The following FRY variants were observed in gnomAD, a reference collection of about 807,000 sequenced individuals.
The protein encoded by FRY is protein furry homolog.
In FRY, 128 loss-of-function variants were observed where a neutral mutation model predicts 348.4. The ratio of observed to expected loss-of-function variants is 0.37; its 90% CI spans 0.32 to 0.43. FRY has a LOEUF of 0.43. Ranked by LOEUF, FRY falls within the 20% of genes least tolerant of loss-of-function variation. FRY has a pLI of 1.00. For synonymous variants in FRY, 1,370 were observed against 1,374.7 expected, an observed-to-expected ratio of 1.00 and a Z score of 0.08; for missense variants, 2,736 against 3,695.2, an observed-to-expected ratio of 0.74 and a Z score of 6.73.
At chr13:32,126,621 A>G (rs992314076) in intron 7 of FRY, among the ~76,000 whole-genome samples, 1 of 152,182 alleles carries the variant, frequency 6.6e-6, no homozygotes, top group South Asian at 2.1e-4. Context: ...TCTTGCAGTA[A>G]ACACAGACTC....
intron 31 of FRY, among the ~76,000 whole-genome samples, chr13:32,205,616 T>C (rs1884309141): frequency 6.6e-6 from 1 of 151,910 alleles, no homozygotes; most frequent in South Asian, 2.1e-4. Flanking sequence ...CACTACAAGG[T>C]TTGTAGGCCA....
chr13:32,222,073 T>C (rs1292035742), intron 36 of FRY, among the ~76,000 whole-genome samples: 1 of 151,916 alleles, frequency 6.6e-6, no homozygotes, highest in African/African-American at 2.4e-5. Context: ...TCAATTTACA[T>C]AGAGTAGTCA....
At chr13:32,093,908 T>C (rs537342862) in intron 2 of FRY, among the ~76,000 whole-genome samples, 4 of 152,162 alleles carry the variant, frequency 2.6e-5, no homozygotes, top group Non-Finnish European at 5.9e-5. Flanking sequence ...AATAAAATTG[T>C]ACCAAAATAT....
chr13:32,280,921 T>G (rs909181469), intron 58 of FRY, among the ~76,000 whole-genome samples: 1 of 152,216 alleles, frequency 6.6e-6, no homozygotes, highest in African/African-American at 2.4e-5. Flanking sequence ...TATTAAGTTG[T>G]TTTACTTGGT....
At chr13:32,187,476 T>TA (rs1883089395) in intron 27 of FRY, 70 bp from the exon 28 acceptor site, 10 of 886,966 alleles carry the variant, frequency 1.1e-5, no homozygotes, top group Non-Finnish European at 1.3e-5. Context: ...TTATGGTTTA[T>TA]AAAGTCAGTT....
intron 46 of FRY, among the ~76,000 whole-genome samples, chr13:32,242,929 T>C (rs951779332): frequency 6.6e-6 from 1 of 152,216 alleles, no homozygotes; most frequent in Non-Finnish European, 1.5e-5. Flanking sequence ...CAGTAAACTT[T>C]TATCATGATG....
chr13:32,098,886 A>T (rs1876959734), intron 2 of FRY, among the ~76,000 whole-genome samples: 1 of 152,098 alleles, frequency 6.6e-6, no homozygotes, highest in Admixed American at 6.5e-5. Context: ...ATTTTACATG[A>T]ATACACATTT....
Position 32,249,600 on chromosome 13 carries a change from C to T in FRY, c.7083C>T (p.Ala2361=), listed in dbSNP as rs1309332146. 6.8e-6 allele frequency: 11 copies of T among 1,614,032 alleles called. No individual in the cohort carries two copies. The highest frequency in any genetic ancestry group is 4.4e-5 in the South Asian group (4 of 91,080). The stretch of plus-strand genomic sequence containing the variant: ...GTGATGGGAAGCCCAGGGCCATGGC[C>T]GTCACCCGGAGCACATCTTCCACTT... ...SGRDGKPRAM[A]VTRSTSSTSS... Residue 2361 remains alanine, a synonymous_variant, in exon 49 of 61, where the codon GCC becomes GCT. Transcript: ENST00000542859.
chr13:32,035,895 A>G (rs1172200501), intron 1 of FRY, among the ~76,000 whole-genome samples: 1 of 152,224 alleles, frequency 6.6e-6, no homozygotes, highest in Non-Finnish European at 1.5e-5. Context: ...TGCATCACTT[A>G]GGAGCATCAG....
At chr13:32,267,668 C>T (rs1463973336) in intron 55 of FRY, among the ~76,000 whole-genome samples, 1 of 152,098 alleles carries the variant, frequency 6.6e-6, no homozygotes, top group African/African-American at 2.4e-5. Context: ...TTCTGCCAGG[C>T]CTATCCTCCA....
At chr13:32,032,791 T>C (rs534049363) in intron 1 of FRY, among the ~76,000 whole-genome samples, 23 of 152,246 alleles carry the variant, frequency 1.5e-4, no homozygotes, top group Non-Finnish European at 3.1e-4. Flanking sequence ...CAGGTATTAC[T>C]GATGCTTTAT....
At position 32,247,423 on chromosome 13, in the gene FRY, T is replaced by C. The variant is rs944328686; in HGVS notation, c.6929T>C (p.Ile2310Thr). Residue 2310 changes from isoleucine to threonine, a missense_variant, in exon 48 of 61, where the codon ATA (isoleucine) becomes ACA (threonine). By Grantham distance (89) the Ile-to-Thr change is moderately conservative. This residue lies in a region of FRY where 789 missense variants were observed against 996.2 expected (regional missense o/e 0.79). Coordinates refer to ENST00000542859, the MANE Select transcript of FRY (RefSeq NM_023037.3). ...PSYQHSDLSK[I>T]EIHRVWTSAS... ...TACCAGCACAGTGACCTCTCAAAAA[T>C]AGAAATACATCGAGTGTGGACTAGT... 1.9e-6 allele frequency: 3 copies of C among 1,613,396 alleles called. No individual in the cohort carries two copies. Among genetic ancestry groups the C allele is most frequent in the African/African-American group, 2.7e-5 (2 of 74,920 alleles).
intron 37 of FRY, 123 bp from the exon 38 acceptor site, chr13:32,224,810 G>A (rs748889366): frequency 1.1e-4 from 82 of 719,692 alleles, no homozygotes; most frequent in Non-Finnish European, 1.8e-4. Flanking sequence ...TATTTCCCCC[G>A]AATAAGAGCC....
intron 4 of FRY, among the ~76,000 whole-genome samples, chr13:32,119,701 GCCCTC>G (rs1878530059): frequency 6.6e-6 from 1 of 152,036 alleles, no homozygotes; most frequent in Non-Finnish European, 1.5e-5. Context: ...ATTTCTGAGT[GCCCTC>G]CTTTTTAATG....
Position 32,147,867 on chromosome 13 carries a change from T to C in FRY, c.1312T>C (p.Phe438Leu). 6.2e-7 allele frequency: 1 copy of C among 1,610,458 alleles called. No individual in the cohort carries two copies. Among genetic ancestry groups the C allele is most frequent in the Non-Finnish European group, 8.5e-7 (1 of 1,176,634 alleles). The change falls in exon 13 of 61, where the codon TTC becomes CTC. Residue 438 changes from phenylalanine (F) to leucine (L), a missense_variant. Phe to Leu is a conservative substitution (Grantham distance 22). This residue lies in a region of FRY where 191 missense variants were observed against 370.2 expected (regional missense o/e 0.52). Transcript: ENST00000542859. Reference protein sequence around the residue: ...SRLITIITTLFPKGSRGVVPR... With the variant: ...SRLITIITTLLPKGSRGVVPR... ...ACTTATAACCATCATCACAACACTT[T>C]TCCCCAAAGGGTCCCGCGGTGTGGT...
chr13:32,082,496 G>A (rs543909179), intron 2 of FRY, among the ~76,000 whole-genome samples: 8 of 152,240 alleles, frequency 5.3e-5, no homozygotes, highest in African/African-American at 1.9e-4. Flanking sequence ...GGTCATCTGT[G>A]TCTCTTTTAT....
intron 1 of FRY, among the ~76,000 whole-genome samples, chr13:32,074,522 G>A (rs373423410): frequency 2.6e-5 from 4 of 152,208 alleles, no homozygotes; most frequent in African/African-American, 4.8e-5. Context: ...GTTATATGAC[G>A]ATAGAAAGGA....
intron 59 of FRY, among the ~76,000 whole-genome samples, chr13:32,293,670 C>T (rs747076442): frequency 1.3e-5 from 2 of 152,202 alleles, no homozygotes; most frequent in Non-Finnish European, 2.9e-5. Flanking sequence ...CTTTTTAACA[C>T]TCTGGATCCT....
intron 32 of FRY, among the ~76,000 whole-genome samples, chr13:32,209,311 T>C (rs961639219): frequency 6.6e-6 from 1 of 152,194 alleles, no homozygotes; most frequent in Non-Finnish European, 1.5e-5. Flanking sequence ...GTAAACTTTA[T>C]GTTATGCGTA....
Sources: allele counts gnomAD v4.1 joint callset (sites outside exome capture counted in the v4.1 genomes callset), GRCh38; gene constraint gnomAD v4.1.1; regional missense constraint gnomAD v4.1.1; transcripts MANE v1.5; gene names NCBI Gene and HGNC (gene_info 2026-07-23, HGNC 2026-07-21).